Variants in GRK4 observed in about 807,000 individuals in gnomAD.
GRK4 encodes the protein G protein-coupled receptor kinase 2-like.
GRK4 carries 73 observed loss-of-function variants against 77.9 expected under a neutral mutation model. The ratio of observed to expected loss-of-function variants is 0.94; its 90% CI spans 0.78 to 1.14. The LOEUF is 1.14. Among genes scored for constraint, GRK4 ranks in the 50% most tolerant of loss-of-function variants. The probability of loss-of-function intolerance (pLI) is 0.00; values close to 1 mark genes in which losing one functional copy is unlikely to be tolerated. For synonymous variants in GRK4, 257 were observed against 254.4 expected (o/e 1.01, Z -0.10); for missense variants, 729 against 700.2 (o/e 1.04, Z -0.46).
chr4:3,022,394 TTTG>T lies in GRK4; in HGVS notation c.933-11_933-9del. 26 of 1,612,262 alleles carry T rather than the reference TTTG, an allele frequency of 1.6e-5. No individual in the cohort carries two copies. Among genetic ancestry groups the T allele is most frequent in the Non-Finnish European group, 2.1e-5 (25 of 1,179,118 alleles). ...TGCCAACTTCTGAATAATTGGGCCT[TTTG>T]TTGTTGTTTCTTGTAGAGACTTGAA... On this transcript the variant is annotated splice_polypyrimidine_tract_variant and intron_variant, in intron 9 of 15. Coordinates refer to ENST00000398052, the MANE Select transcript of GRK4 (RefSeq NM_182982.3).
chr4:3,023,657 G>A (rs1241705051), intron 10 of GRK4, among the ~76,000 whole-genome samples: 1 of 152,214 alleles, frequency 6.6e-6, no homozygotes, highest in Admixed American at 6.5e-5. Context: ...TCCTGACTTA[G>A]CCTGTGGTTC....
At chr4:3,002,848 T>C (rs549888618) in intron 4 of GRK4, among the ~76,000 whole-genome samples, 13 of 152,208 alleles carry the variant, frequency 8.5e-5, no homozygotes, top group Admixed American at 6.5e-4. Flanking sequence ...ACTGAACATA[T>C]ATTTTTCCCA....
intron 1 of GRK4, among the ~76,000 whole-genome samples, chr4:2,971,687 G>A (rs1719588189): frequency 6.6e-6 from 1 of 152,220 alleles, no homozygotes; most frequent in East Asian, 1.9e-4. Flanking sequence ...TTGTCTCACA[G>A]TCTTGGAGGC....
rs749248762 is a variant in GRK4 at position 3,004,303 on chromosome 4, C to A, written c.412C>A (p.Pro138Thr). ...TAGATTGGGACTGAAGGAGGAGAAC[C>A]CTTCCAAAAAAGCCTTTGAGGAATG... ...ECRLGLKEENPSKKAFEECTR... is the reference protein window; with the variant it reads ...ECRLGLKEENTSKKAFEECTR... The change falls in exon 5 of 16, where the codon CCT becomes ACT. Residue 138 changes from proline (P) to threonine (T), a missense_variant. Coordinates refer to ENST00000398052, the MANE Select transcript of GRK4 (RefSeq NM_182982.3). The A allele has an allele frequency of 1.2e-6, 2 of 1,613,030 alleles. No homozygotes were observed. Among genetic ancestry groups the A allele is most frequent in the South Asian group, 2.2e-5 (2 of 91,026 alleles).
intron 12 of GRK4, among the ~76,000 whole-genome samples, chr4:3,031,147 G>A (rs1739057341): frequency 6.6e-6 from 1 of 152,192 alleles, no homozygotes; most frequent in Non-Finnish European, 1.5e-5. Flanking sequence ...GCAGTGGGGA[G>A]GACAGCAGCC....
intron 1 of GRK4, among the ~76,000 whole-genome samples, chr4:2,967,094 T>C (rs924478516): frequency 1.3e-5 from 2 of 152,206 alleles, no homozygotes; most frequent in African/African-American, 4.8e-5. Context: ...CCTTCTACCA[T>C]GGACACAGAA....
At chr4:2,965,934 A>C in intron 1 of GRK4, 1 of 178,384 alleles carries the variant, frequency 5.6e-6, no homozygotes, top group Non-Finnish European at 1.2e-5. Flanking sequence ...ATTGAAGCTA[A>C]GCCAGTTTTC....
chr4:3,014,976 C>T (rs116840673), intron 8 of GRK4, among the ~76,000 whole-genome samples: 1,671 of 152,276 alleles, frequency 0.011, 15 homozygotes, highest in Admixed American at 0.031. Flanking sequence ...TCCCTCTGGC[C>T]TCAATCTGCT....
Position 2,963,925 on chromosome 4 carries a change from G to A in GRK4, c.-146G>A, listed in dbSNP as rs1716480253. 4 of 755,974 alleles carry A rather than the reference G, an allele frequency of 5.3e-6. No individual in the cohort carries two copies. Among genetic ancestry groups the A allele is most frequent in the African/African-American group, 3.5e-5 (2 of 56,364 alleles). 46.8% of individuals were successfully genotyped at this position (755,974 alleles called of 1,614,324 possible). On this transcript the variant is annotated 5_prime_UTR_variant, in exon 1 of 16. Transcript: ENST00000398052. ...CGCCCTTGGTGGCAGTGGTGGCGGCGGAGCAGCCTCCCGGGATCGTGTCCG... is the reference window on the plus strand; with the variant it reads ...CGCCCTTGGTGGCAGTGGTGGCGGCAGAGCAGCCTCCCGGGATCGTGTCCG...
Position 3,013,683 on chromosome 4 carries a change from AC to A in GRK4, c.601-4del. The A allele has an allele frequency of 6.2e-7, 1 of 1,600,684 alleles. No homozygotes were observed. Among genetic ancestry groups the A allele is most frequent in the Admixed American group, 1.8e-5 (1 of 56,168 alleles). On this transcript the variant is annotated splice_region_variant and splice_polypyrimidine_tract_variant and intron_variant, in intron 7 of 15. Transcript: ENST00000398052. ...AAACCTCCTTTATTTTGCTGTTTAAACTAGGTTTGCGCCTGTCAAGTGCGAG... is the reference window on the plus strand; with the variant it reads ...AAACCTCCTTTATTTTGCTGTTTAAATAGGTTTGCGCCTGTCAAGTGCGAG...
In GRK4 at chr4:3,007,766, A is replaced by G. The variant is rs201460173; in HGVS notation, c.474A>G (p.Pro158=). ...RVAHNYLRGE[P]FEEYQESSYF... ...CCCATAACTACCTAAGAGGGGAACC[A>G]TTTGAAGAATACCAAGAAAGCTCAT... is the stretch of plus-strand genomic sequence containing the variant. Residue 158 remains proline, a synonymous_variant, in exon 6 of 16, where the codon CCA becomes CCG. Transcript: ENST00000398052. 2 of 1,611,468 alleles carry G rather than the reference A, an allele frequency of 1.2e-6. No homozygotes were observed. The highest frequency in any genetic ancestry group is 1.3e-5 in the African/African-American group (1 of 75,000).
intron 2 of GRK4, among the ~76,000 whole-genome samples, chr4:2,987,664 G>C (rs1025006996): frequency 1.3e-5 from 2 of 152,172 alleles, no homozygotes; most frequent in African/African-American, 4.8e-5. Context: ...TTGTTGGCCA[G>C]GCGCAGTGGC....
chr4:3,040,396 C>T (rs536567816), intron 15 of GRK4, among the ~76,000 whole-genome samples, 176 bp from the exon 16 acceptor site: 3 of 152,170 alleles, frequency 2.0e-5, no homozygotes, highest in Admixed American at 1.3e-4. Context: ...ATCTGAGATC[C>T]TGCCATTGCA....
intron 7 of GRK4, 67 bp downstream of exon 7, chr4:3,009,778 GGC>G: frequency 8.5e-7 from 1 of 1,177,830 alleles, no homozygotes; most frequent in Non-Finnish European, 1.3e-6. Context: ...CTGAGAACAT[GGC>G]TTCAGGTAAT....
At chr4:2,965,452 C>T (rs1451501550) in intron 1 of GRK4, 1 of 703,078 alleles carries the variant, frequency 1.4e-6, no homozygotes, top group Non-Finnish European at 2.6e-6. Context: ...CTGATTTCCT[C>T]TATTTCCTTG....
chr4:3,001,142 GGTATATATGTGTATGTGTATATATAT>G (rs1560422814), intron 4 of GRK4, among the ~76,000 whole-genome samples: 108 of 109,436 alleles, frequency 9.9e-4, no homozygotes, highest in South Asian at 1.4e-3. Context: ...TATATATATA[GGTATATATGTGTATGTGTATATATAT>G]GTATATATGT....
chr4:2,974,797 A>G (rs1321980039), intron 1 of GRK4, among the ~76,000 whole-genome samples: 1 of 152,214 alleles, frequency 6.6e-6, no homozygotes, highest in African/African-American at 2.4e-5. Flanking sequence ...CCTGTTTTAT[A>G]CATTGCTCTG....
intron 1 of GRK4, 55 bp from the exon 2 acceptor site, chr4:2,984,458 A>T: frequency 1.0e-6 from 1 of 956,254 alleles, no homozygotes; most frequent in Non-Finnish European, 1.7e-6. Context: ...AGTAGTTGTT[A>T]TAATTGGATA....
intron 15 of GRK4, among the ~76,000 whole-genome samples, chr4:3,040,050 C>T (rs1741961804): frequency 6.6e-6 from 1 of 152,236 alleles, no homozygotes; most frequent in Admixed American, 6.5e-5. Flanking sequence ...ACATGCAGAA[C>T]TTACCTGCTG....
Sources: allele counts gnomAD v4.1 joint callset (sites outside exome capture counted in the v4.1 genomes callset), GRCh38; gene constraint gnomAD v4.1.1; transcripts MANE v1.5; gene names NCBI Gene and HGNC (gene_info 2026-07-23, HGNC 2026-07-21).